Variants in ADAMTS13 observed in about 807,000 individuals in gnomAD.
ADAMTS13 encodes A disintegrin and metalloproteinase with thrombospondin motifs 13.
ADAMTS13 carries 110 observed loss-of-function variants against 155.1 expected under a neutral mutation model. That is an observed-to-expected ratio of 0.71 (90% CI 0.61 to 0.83). The LOEUF is 0.83. ADAMTS13 is among the 40% of genes least tolerant of loss of function. The pLI, the probability that ADAMTS13 is intolerant of heterozygous loss-of-function variation, is 0.00. For synonymous variants in ADAMTS13, 758 were observed against 756.4 expected (o/e 1.00, Z -0.03); for missense variants, 1,707 against 1,891.7 (o/e 0.90, Z 1.81).
Position 133,448,748 on chromosome 9 carries a change from CTGTG to C in ADAMTS13, c.2861+23_2861+26del. 6.3e-7 allele frequency: 1 copy of C among 1,597,760 alleles called. No homozygotes were observed. Among genetic ancestry groups the C allele is most frequent in the East Asian group, 2.2e-5 (1 of 44,834 alleles). On this transcript the variant is annotated intron_variant, in intron 22 of 28. Transcript: ENST00000355699. ...TGCTCGGTGAGTGAGGGGAGCAAGA[CTGTG>C]TGCTGGCCTTCTCCCTGTAAGTGGG...
At chr9:133,455,188 C>A in intron 24 of ADAMTS13, 97 bp from the exon 25 acceptor site, 3 of 1,369,398 alleles carry the variant, frequency 2.2e-6, no homozygotes, top group Non-Finnish European at 3.1e-6. Context: ...CCAGCTTGTA[C>A]AAGGATTATA....
rs782733057 is a variant in ADAMTS13 at position 133,436,896 on chromosome 9, G to C, written c.1376G>C (p.Arg459Pro). The C allele has an allele frequency of 6.3e-7, 1 of 1,588,122 alleles. No individual in the cohort carries two copies. The highest frequency in any genetic ancestry group is 1.8e-5 in the Admixed American group (1 of 55,992). Residue 459 changes from arginine to proline, a missense_variant, in exon 12 of 29, where the codon CGC becomes CCC. Transcript: ENST00000355699. ...GCCAGGACCGACGGCCAGCCGCTGC[G>C]CTCCTCCCCTGGCGGCGCCTCCTTC... The part of the protein sequence containing the change: ...QCARTDGQPL[R>P]SSPGGASFYH...
In ADAMTS13 at chr9:133,459,266, A is replaced by G. The variant is rs1564449513; in HGVS notation, c.*86A>G. 7.7e-7 allele frequency: 1 copy of G among 1,302,344 alleles called. No individual in the cohort carries two copies. 80.7% of individuals were successfully genotyped at this position (1,302,344 alleles called of 1,614,324 possible). A position where few individuals can be genotyped will look rare whatever the true frequency, so the allele number is the denominator to read the frequency against. ...TGCTTTCCAATTCGAACTTTTTCCA[A>G]TCTTAGGTATCTACTTTAGAGTCTT... On this transcript the variant is annotated 3_prime_UTR_variant, in exon 29 of 29. Transcript: ENST00000355699.
At chr9:133,419,623 C>A (rs1285936422), upstream of ADAMTS13, among the ~76,000 whole-genome samples, 2 of 152,034 alleles carry the variant, frequency 1.3e-5, no homozygotes, top group Non-Finnish European at 2.9e-5. Flanking sequence ...TCAGAGAATC[C>A]AGGGGGAGAA....
At chr9:133,416,911 CG>C (rs1554781693) in intron 1 of ADAMTS13, among the ~76,000 whole-genome samples, 1 of 152,200 alleles carries the variant, frequency 6.6e-6, no homozygotes, top group African/African-American at 2.4e-5. Context: ...ACTTCAAGAC[CG>C]TAAGTGTCGC....
At chr9:133,427,147 T>C (rs899967614) in intron 6 of ADAMTS13, among the ~76,000 whole-genome samples, 1 of 152,216 alleles carries the variant, frequency 6.6e-6, no homozygotes, top group Non-Finnish European at 1.5e-5. Context: ...ACCTGTTCTT[T>C]ATGTAATAAT....
At chr9:133,430,851 G>A (rs1461373201) in intron 8 of ADAMTS13, among the ~76,000 whole-genome samples, 2 of 151,916 alleles carry the variant, frequency 1.3e-5, no homozygotes, top group Non-Finnish European at 2.9e-5. Flanking sequence ...TAGTAGAGAC[G>A]GGGTTTCACT....
At chr9:133,417,725 G>C (rs1554781979), upstream of ADAMTS13, 5 of 1,614,116 alleles carry the variant, frequency 3.1e-6, no homozygotes, top group Non-Finnish European at 4.2e-6. Context: ...CCCGCGCCTT[G>C]CTTTTCCAAA....
chr9:133,443,580 G>T lies in ADAMTS13; in HGVS notation c.2420+19G>T. 6.5e-7 allele frequency: 1 copy of T among 1,527,640 alleles called. No individual in the cohort carries two copies. 94.6% of individuals were successfully genotyped at this position (1,527,640 alleles called of 1,614,324 possible). A position where few individuals can be genotyped will look rare whatever the true frequency, so the allele number is the denominator to read the frequency against. On this transcript the variant is annotated intron_variant, in intron 19 of 28. Coordinates refer to ENST00000355699, the MANE Select transcript of ADAMTS13 (RefSeq NM_139027.6). Reference sequence around the variant, plus strand: ...CTGCCAGGTGAGCCCAGGGCTAGGTGGGGCTGGGAGAGGGCCTTCCTGGCA... The same window carrying T: ...CTGCCAGGTGAGCCCAGGGCTAGGTTGGGCTGGGAGAGGGCCTTCCTGGCA...
chr9:133,424,256 C>G lies in ADAMTS13; in HGVS notation c.173-65C>G, dbSNP rs1399717719. The G allele has an allele frequency of 6.2e-7, 1 of 1,602,564 alleles. No homozygotes were observed. Among genetic ancestry groups the G allele is most frequent in the African/African-American group, 1.3e-5 (1 of 74,802 alleles). The stretch of plus-strand genomic sequence containing the variant: ...CCTTCCAAGACCTGCCAGCCCCTTT[C>G]CTGTTAGCTTTCCACTGCTTGCTCT... On this transcript the variant is annotated intron_variant, in intron 2 of 28. Coordinates refer to ENST00000355699, the MANE Select transcript of ADAMTS13 (RefSeq NM_139027.6). This position sits in a 1 kb window ranked among gnomAD's most constrained non-coding sequence, Gnocchi z 4.3.
rs1167466918 is a variant in ADAMTS13 at position 133,455,447 on chromosome 9, C to G, written c.3400+12C>G. On this transcript the variant is annotated intron_variant, in intron 25 of 28. Coordinates refer to ENST00000355699, the MANE Select transcript of ADAMTS13 (RefSeq NM_139027.6). ...CTGTGTGGGACAGGGTACGCCCAGC[C>G]TGGTGCCCCACGAAGAAGCCGCTGC... is the stretch of plus-strand genomic sequence containing the variant. 1.9e-6 allele frequency: 3 copies of G among 1,612,424 alleles called. No homozygotes were observed. The highest frequency in any genetic ancestry group is 1.7e-5 in the Admixed American group (1 of 60,002).
rs1564405781 is a variant in ADAMTS13, at chr9:133,422,540, T to G, written c.97T>G (p.Phe33Val). ...FLLGCWGPSHFQQSCLQALEP... is the reference protein window; with the variant it reads ...FLLGCWGPSHVQQSCLQALEP... ...CCTGGGCTGCTGGGGACCCTCCCAT[T>G]TCCAGCAGGTGGGCTCATTTGCAGG... Residue 33 changes from phenylalanine (F) to valine (V), a missense_variant, in exon 1 of 29, where the codon TTC becomes GTC. Around this residue, in one of 3 missense-constraint regions of ADAMTS13, gnomAD observed 733 missense variants for 749.6 expected, o/e 0.98. Coordinates refer to ENST00000355699, the MANE Select transcript of ADAMTS13 (RefSeq NM_139027.6). 6.2e-7 allele frequency: 1 copy of G among 1,614,084 alleles called. No homozygotes were observed. The highest frequency in any genetic ancestry group is 1.7e-5 in the Admixed American group (1 of 60,026).
chr9:133,443,440 G>T lies in ADAMTS13; in HGVS notation c.2299G>T (p.Val767Leu). 6.3e-7 allele frequency: 1 copy of T among 1,594,284 alleles called. No individual in the cohort carries two copies. Residue 767 changes from valine to leucine, a missense_variant, in exon 19 of 29, where the codon GTG (valine) becomes TTG (leucine). Physicochemically the swap from Val to Leu is conservative, Grantham distance 32. This residue lies in a region of ADAMTS13 where 961 missense variants were observed against 1,107.9 expected (regional missense o/e 0.87). Coordinates refer to ENST00000355699, the MANE Select transcript of ADAMTS13 (RefSeq NM_139027.6). ...SCGGGLRERPVRCVEAQGSLL... is the reference protein window; with the variant it reads ...SCGGGLRERPLRCVEAQGSLL... ...TGGGGGTGGCCTGCGGGAGCGGCCA[G>T]TGCGCTGCGTGGAGGCCCAGGGCAG... is the stretch of plus-strand genomic sequence containing the variant.
At position 133,436,900 on chromosome 9, in the gene ADAMTS13, C is replaced by A; in HGVS notation, c.1380C>A (p.Ser460=). ...GGACCGACGGCCAGCCGCTGCGCTC[C>A]TCCCCTGGCGGCGCCTCCTTCTACC... ...CARTDGQPLR[S]SPGGASFYHW... The change falls in exon 12 of 29, where the codon TCC becomes TCA. Residue 460 remains serine (S), a synonymous_variant. Coordinates refer to ENST00000355699, the MANE Select transcript of ADAMTS13 (RefSeq NM_139027.6). 1 of 1,588,980 alleles carries A rather than the reference C, an allele frequency of 6.3e-7. No individual in the cohort carries two copies. The highest frequency in any genetic ancestry group is 8.6e-7 in the Non-Finnish European group (1 of 1,168,612).
rs1161841108 is a variant in ADAMTS13, at chr9:133,454,563, G to T, written c.3193G>T (p.Val1065Phe). Residue 1065 changes from valine (V) to phenylalanine (F), a missense_variant, in exon 24 of 29, where the codon GTC becomes TTC. By Grantham distance (50) the Val-to-Phe change is conservative (BLOSUM62 -1). Around this residue, in one of 3 missense-constraint regions of ADAMTS13, gnomAD observed 961 missense variants for 1,107.9 expected, o/e 0.87. Transcript: ENST00000355699. ...GGCGCTGGTGCGGCCCGAGGCCAGT[G>T]TCCCCTGTCTCATTGCCGACTGCAC... is the stretch of plus-strand genomic sequence containing the variant. ...CAALVRPEAS[V>F]PCLIADCTYR... The T allele has an allele frequency of 7.5e-6, 12 of 1,607,796 alleles. No homozygotes were observed. Among genetic ancestry groups the T allele is most frequent in the African/African-American group, 1.3e-5 (1 of 74,950 alleles).
chr9:133,445,077 G>T lies in ADAMTS13; in HGVS notation c.2610+25G>T. 2 of 1,608,330 alleles carry T rather than the reference G, an allele frequency of 1.2e-6. No homozygotes were observed. Among genetic ancestry groups the T allele is most frequent in the Non-Finnish European group, 1.7e-6 (2 of 1,178,572 alleles). On this transcript the variant is annotated intron_variant, in intron 20 of 28. Transcript: ENST00000355699. The surrounding 1 kb of genome is among the most constrained non-coding windows in gnomAD (Gnocchi z 5.0). ...TGTGAGTGCCCTGGGCATGAGGGTG[G>T]CTGGGGCTGTTGAGTCCTTTACCTG...
upstream of ADAMTS13, chr9:133,417,859 G>C (rs782083646): frequency 1.2e-4 from 190 of 1,594,714 alleles, no homozygotes; most frequent in Non-Finnish European, 1.5e-4. Context: ...CTGCCGTCCA[G>C]CGCCTGGGCC....
Position 133,459,002 on chromosome 9 carries a change from CA to C in ADAMTS13, c.3939del (p.Ala1314ArgfsTer26). The C allele has an allele frequency of 2.5e-6, 4 of 1,613,258 alleles. No homozygotes were observed. Among genetic ancestry groups the C allele is most frequent in the Non-Finnish European group, 3.4e-6 (4 of 1,179,996 alleles). ...CGGGACACCCACAGCTTGAGGACCA[CA>C]GCGTTCCATGGGCAGCAGGTGCTCT... ...LIRDTHSLRT[T>X]AFHGQQVLYW... On this transcript the variant is annotated frameshift_variant, in exon 29 of 29. Coordinates refer to ENST00000355699, the MANE Select transcript of ADAMTS13 (RefSeq NM_139027.6). LOFTEE classifies it low-confidence loss of function (END_TRUNC).
chr9:133,447,581 CTTTTTCTTT>C (rs587761786), intron 21 of ADAMTS13, among the ~76,000 whole-genome samples: 233 of 151,638 alleles, frequency 1.5e-3, no homozygotes, highest in Non-Finnish European at 2.6e-3. Context: ...GATTTTTTTT[CTTTTTCTTT>C]TTTTTCTTTT....
Sources: gnomAD v4.1 joint callset for allele counts (sites outside exome capture counted in the v4.1 genomes callset) on GRCh38, gnomAD v4.1.1 for gene constraint, gnomAD v4.1.1 regional missense constraint, Gnocchi (gnomAD v3.1) non-coding constraint, MANE v1.5 for transcripts, NCBI Gene and HGNC (gene_info 2026-07-23, HGNC 2026-07-21) for gene names.